Variants in ZNF490 observed in about 807,000 individuals in gnomAD.
ZNF490 encodes the protein zinc finger protein 490.
In ZNF490, 11 loss-of-function variants were observed where a neutral mutation model predicts 17.7. The observed-to-expected ratio is 0.62, with a 90% CI of 0.39 to 1.03. The LOEUF (loss-of-function observed/expected upper bound fraction) is 1.03. Among genes scored for constraint, ZNF490 ranks in the 50% least tolerant of loss-of-function variants. ZNF490 has a pLI of 0.00. For missense variants in ZNF490, 542 were observed against 643.4 expected, an observed-to-expected ratio of 0.84 and a Z score of 1.71; for synonymous variants, 222 against 216.1, an observed-to-expected ratio of 1.03 and a Z score of -0.24.
chr19:12,588,116 T>TCA (rs377380575), intron 2 of ZNF490, among the ~76,000 whole-genome samples: 1 of 31,234 alleles, frequency 3.2e-5, no homozygotes, highest in Non-Finnish European at 1.4e-4. Context: ...GCGATCCGCC[T>TCA]GCCTCCCAAA....
At chr19:12,586,489 A>G (rs2022808194) in intron 2 of ZNF490, among the ~76,000 whole-genome samples, 1 of 92,794 alleles carries the variant, frequency 1.1e-5, no homozygotes, top group African/African-American at 3.2e-5. Flanking sequence ...AACACAGCCT[A>G]AAATCAACAG....
At chr19:12,593,413 A>G (rs770749928) in intron 2 of ZNF490, among the ~76,000 whole-genome samples, 56 of 151,852 alleles carry the variant, frequency 3.7e-4, no homozygotes, top group Non-Finnish European at 7.2e-4. Context: ...ACACCTGGCT[A>G]ATTTTTTTGT....
At chr19:12,605,753 C>T (rs912823263) in intron 2 of ZNF490, among the ~76,000 whole-genome samples, 1 of 152,148 alleles carries the variant, frequency 6.6e-6, no homozygotes, top group South Asian at 2.1e-4. Context: ...ATATAGCACA[C>T]CCAGCTGGTG....
rs1479016936 is a variant in ZNF490 at position 12,579,167 on chromosome 19, G to A, written c.*1318C>T. The A allele has an allele frequency of 6.6e-6, 1 of 152,318 alleles. No homozygotes were observed. Among genetic ancestry groups the A allele is most frequent in the Non-Finnish European group, 1.4e-5 (1 of 69,196 alleles). 9.4% of individuals were successfully genotyped at this position (152,318 alleles called of 1,614,324 possible). A position where few individuals can be genotyped will look rare whatever the true frequency, so the allele number is the denominator to read the frequency against. On this transcript the variant is annotated 3_prime_UTR_variant, in exon 5 of 5. Transcript: ENST00000311437. ...ACTCGGGAGGCTGAGGCAGGAGAAT[G>A]GCGTGAACCCAGGAGGCGGAGCTTG... is the stretch of plus-strand genomic sequence containing the variant.
intron 2 of ZNF490, among the ~76,000 whole-genome samples, chr19:12,603,847 C>T (rs2023036014): frequency 1.3e-5 from 2 of 151,734 alleles, no homozygotes; most frequent in Admixed American, 6.6e-5. Context: ...AGAAGAGTTC[C>T]AGAGTGACAG....
chr19:12,588,165 A>AT (rs1207704194), intron 2 of ZNF490, among the ~76,000 whole-genome samples: 1 of 150,644 alleles, frequency 6.6e-6, no homozygotes, highest in African/African-American at 2.4e-5. Flanking sequence ...TGCCTGGTCA[A>AT]TTTTTATATT....
In ZNF490 at chr19:12,581,304, C is replaced by A; in HGVS notation, c.771G>T (p.Lys257Asn). Reference protein sequence around the residue: ...ETPYECKECGKAFRYLTALRR... With the variant: ...ETPYECKECGNAFRYLTALRR... ...GAAGAGCAGTGAGATATCTGAATGC[C>A]TTCCCACATTCCTTACATTCATAGG... is the stretch of plus-strand genomic sequence containing the variant. The change falls in exon 5 of 5, where the codon AAG (lysine) becomes AAT (asparagine). Residue 257 changes from lysine (K) to asparagine (N), a missense_variant. Physicochemically the swap from Lys to Asn is moderately conservative, Grantham distance 94. Coordinates refer to ENST00000311437, the MANE Select transcript of ZNF490 (RefSeq NM_020714.3). 6.2e-7 allele frequency: 1 copy of A among 1,613,766 alleles called. No individual in the cohort carries two copies. Among genetic ancestry groups the A allele is most frequent in the African/African-American group, 1.3e-5 (1 of 74,898 alleles).
At chr19:12,597,659 A>G (rs2022950824) in intron 2 of ZNF490, among the ~76,000 whole-genome samples, 1 of 152,118 alleles carries the variant, frequency 6.6e-6, no homozygotes, top group South Asian at 2.1e-4. Flanking sequence ...TGATTGTGTG[A>G]ATTTCACTGT....
intron 3 of ZNF490, among the ~76,000 whole-genome samples, chr19:12,583,179 T>G (rs2022761970): frequency 6.6e-6 from 1 of 152,014 alleles, no homozygotes. Context: ...GTAGCCAGAA[T>G]TACAGGCACC....
intron 2 of ZNF490, 53 bp downstream of exon 2, chr19:12,609,105 G>A: frequency 6.3e-7 from 1 of 1,581,702 alleles, no homozygotes; most frequent in African/African-American, 1.3e-5. Context: ...AGACCCAAAT[G>A]GTCATTATAA....
At chr19:12,599,951 C>A (rs1203829853) in intron 2 of ZNF490, among the ~76,000 whole-genome samples, 1 of 152,146 alleles carries the variant, frequency 6.6e-6, no homozygotes, top group African/African-American at 2.4e-5. Context: ...TCTTTTAGAA[C>A]ACTAACCTGC....
intron 2 of ZNF490, among the ~76,000 whole-genome samples, chr19:12,594,469 AAAAAAAAAAG>A (rs2022909467): frequency 6.6e-6 from 1 of 151,630 alleles, no homozygotes; most frequent in Non-Finnish European, 1.5e-5. Context: ...CCATCTCAAA[AAAAAAAAAAG>A]AAAAGAAAAG....
chr19:12,610,426 GACGCCTCA>G (rs2023133868), intron 1 of ZNF490, 130 bp downstream of exon 1: 1 of 731,664 alleles, frequency 1.4e-6, no homozygotes, highest in East Asian at 2.5e-5. Flanking sequence ...AAGAAAGGTG[GACGCCTCA>G]ACGCTGTTAT....
In ZNF490 at chr19:12,588,026, C is replaced by T. The variant is rs2022821613; in HGVS notation, c.163-4470G>A. Among the ~76,000 whole-genome samples the T allele has an allele frequency of 2.1e-5, 2 of 94,536 alleles. 1 individual carries two copies. Among genetic ancestry groups the T allele is most frequent in the African/African-American group, 6.3e-5 (2 of 31,572 alleles). The allele number at this position is 94,536 out of a possible 152,430, so 62.0% of individuals were successfully genotyped here. ...CTGGAATTGCAGGCACCTGCCACCACGCCTGGCTAATTTTTGTATTTTTAG... is the reference window on the plus strand; with the variant it reads ...CTGGAATTGCAGGCACCTGCCACCATGCCTGGCTAATTTTTGTATTTTTAG... On this transcript the variant is annotated intron_variant, in intron 2 of 4. Coordinates refer to ENST00000311437, the MANE Select transcript of ZNF490 (RefSeq NM_020714.3).
chr19:12,580,296 G>A lies in ZNF490; in HGVS notation c.*189C>T. ...CCATTCACATATCTGCAATCCCGCA[G>A]GAGAGTGCAAGTTCCTCCCCCATTT... On this transcript the variant is annotated 3_prime_UTR_variant, in exon 5 of 5. Transcript: ENST00000311437. The A allele has an allele frequency of 7.2e-7, 1 of 1,391,298 alleles. No individual in the cohort carries two copies. Among genetic ancestry groups the A allele is most frequent in the Non-Finnish European group, 9.3e-7 (1 of 1,076,264 alleles). The allele number at this position is 1,391,298 out of a possible 1,614,324, so 86.2% of individuals were successfully genotyped here. A position where few individuals can be genotyped will look rare whatever the true frequency, so the allele number is the denominator to read the frequency against.
intron 2 of ZNF490, among the ~76,000 whole-genome samples, chr19:12,601,943 G>A (rs887976399): frequency 2.0e-5 from 3 of 151,502 alleles, no homozygotes; most frequent in South Asian, 2.1e-4. Flanking sequence ...GCAGTGAGCC[G>A]AGATCGCACC....
intron 2 of ZNF490, among the ~76,000 whole-genome samples, chr19:12,596,981 C>G (rs1195640021): frequency 6.6e-6 from 1 of 152,170 alleles, no homozygotes; most frequent in Non-Finnish European, 1.5e-5. Context: ...GGGCCGGGGC[C>G]GCAATCGCAG....
intron 3 of ZNF490, 104 bp downstream of exon 3, chr19:12,583,326 A>G (rs2022764266): frequency 7.4e-7 from 1 of 1,355,124 alleles, no homozygotes; most frequent in Non-Finnish European, 9.9e-7. Context: ...GGCGCGAGCC[A>G]CCGTGCCTGG....
In ZNF490 at chr19:12,581,057, C is replaced by T. The variant is rs1284840342; in HGVS notation, c.1018G>A (p.Gly340Arg). ...CTTGAGTGAGAAAAGAAGGCTCTCC[C>T]ACATTCCCTACATACAAAAGGTTTC... is the stretch of plus-strand genomic sequence containing the variant. ...GEKPFVCREC[G>R]RAFFSHSSLR... The change falls in exon 5 of 5, where the codon GGG becomes AGG. Residue 340 changes from glycine to arginine, a missense_variant. Transcript: ENST00000311437. 1.2e-6 allele frequency: 2 copies of T among 1,614,010 alleles called. No individual in the cohort carries two copies. Among genetic ancestry groups the T allele is most frequent in the Non-Finnish European group, 8.5e-7 (1 of 1,179,942 alleles).
Sources: allele counts gnomAD v4.1 joint callset (sites outside exome capture counted in the v4.1 genomes callset), GRCh38; gene constraint gnomAD v4.1.1; transcripts MANE v1.5; gene names NCBI Gene and HGNC (gene_info 2026-07-23, HGNC 2026-07-21).